C8orf34: variants seen among roughly 807,000 people sequenced by gnomAD.
C8orf34 encodes uncharacterized protein C8orf34.
Under a neutral mutation model 68.3 loss-of-function variants are expected in C8orf34, and 65 were observed. The ratio of observed to expected loss-of-function variants is 0.95; its 90% CI spans 0.78 to 1.17. The LOEUF (loss-of-function observed/expected upper bound fraction) is 1.17. C8orf34 is among the 50% of genes most tolerant of loss of function. The pLI, the probability that C8orf34 is intolerant of heterozygous loss-of-function variation, is 0.00. For missense variants in C8orf34, 664 were observed against 655.4 expected (o/e 1.01, Z -0.14); for synonymous variants, 244 against 241.2 (o/e 1.01, Z -0.11).
At chr8:68,341,540 G>C (rs1806070651) in intron 1 of C8orf34, among the ~76,000 whole-genome samples, 1 of 152,142 alleles carries the variant, frequency 6.6e-6, no homozygotes, top group South Asian at 2.1e-4. Flanking sequence ...CTCATGTTGA[G>C]ATGTAATCCC....
At chr8:68,519,727 TG>T in intron 5 of C8orf34, among the ~76,000 whole-genome samples, 1 of 152,006 alleles carries the variant, frequency 6.6e-6, no homozygotes, top group Admixed American at 6.6e-5. Flanking sequence ...GTCTTTCACC[TG>T]GGGGTGGGGG....
intron 9 of C8orf34, among the ~76,000 whole-genome samples, chr8:68,715,233 A>G (rs1821437330): frequency 6.6e-6 from 1 of 152,120 alleles, no homozygotes; most frequent in African/African-American, 2.4e-5. Flanking sequence ...ATGACCAAGA[A>G]CCCAAAAGCA....
At chr8:68,389,846 AG>A (rs1335743224) in intron 1 of C8orf34, among the ~76,000 whole-genome samples, 3 of 152,176 alleles carry the variant, frequency 2.0e-5, no homozygotes, top group Non-Finnish European at 4.4e-5. Context: ...TTTCACAGAA[AG>A]CAAAATCTAG....
intron 10 of C8orf34, among the ~76,000 whole-genome samples, chr8:68,739,297 T>A (rs891191737): frequency 5.9e-5 from 9 of 151,852 alleles, no homozygotes; most frequent in East Asian, 3.9e-4. Flanking sequence ...TACCTCAAAA[T>A]AATAAAAGCC....
intron 7 of C8orf34, among the ~76,000 whole-genome samples, chr8:68,624,141 G>GC (rs1818466439): frequency 6.6e-6 from 1 of 151,714 alleles, no homozygotes; most frequent in Admixed American, 6.6e-5. Flanking sequence ...GCGTGGTGGT[G>GC]CACGCCTGTA....
intron 8 of C8orf34, among the ~76,000 whole-genome samples, chr8:68,645,709 T>A (rs941032800): frequency 2.0e-5 from 3 of 152,174 alleles, no homozygotes; most frequent in Non-Finnish European, 4.4e-5. Context: ...TGATATAGAA[T>A]CAATAAGACT....
intron 10 of C8orf34, among the ~76,000 whole-genome samples, chr8:68,761,407 G>A (rs1394538852): frequency 6.6e-6 from 1 of 152,020 alleles, no homozygotes; most frequent in African/African-American, 2.4e-5. Flanking sequence ...TACTCCTCTA[G>A]AGCAGTGCTC....
chr8:68,460,359 G>A (rs892259354), intron 3 of C8orf34, among the ~76,000 whole-genome samples: 1 of 152,238 alleles, frequency 6.6e-6, no homozygotes, highest in Non-Finnish European at 1.5e-5. Context: ...ACCTCTGGGG[G>A]CAGGGCACAG....
chr8:68,419,712 G>A (rs1809857984), intron 1 of C8orf34, among the ~76,000 whole-genome samples: 1 of 151,412 alleles, frequency 6.6e-6, no homozygotes, highest in Non-Finnish European at 1.5e-5. Context: ...ATCATTCTCA[G>A]TAAACTATCG....
chr8:68,469,681 A>G (rs1009380104), intron 4 of C8orf34, among the ~76,000 whole-genome samples: 1 of 151,982 alleles, frequency 6.6e-6, no homozygotes, highest in Non-Finnish European at 1.5e-5. Context: ...CATTAATGCC[A>G]TGGCCTCACC....
At chr8:68,573,782 C>T (rs1586393655) in intron 7 of C8orf34, among the ~76,000 whole-genome samples, 1 of 152,062 alleles carries the variant, frequency 6.6e-6, no homozygotes, top group African/African-American at 2.4e-5. Context: ...GAGTTCATAT[C>T]TTGGATGTTG....
chr8:68,344,892 A>G (rs113670443), intron 1 of C8orf34, among the ~76,000 whole-genome samples: 1 of 152,084 alleles, frequency 6.6e-6, no homozygotes, highest in South Asian at 2.1e-4. Context: ...ATATTAACAT[A>G]CGTGTTGAAA....
intron 12 of C8orf34, among the ~76,000 whole-genome samples, chr8:68,814,635 A>G (rs1195608820): frequency 6.6e-6 from 1 of 152,204 alleles, no homozygotes; most frequent in Non-Finnish European, 1.5e-5. Flanking sequence ...GCTTAGAACC[A>G]TCCTCTGTGA....
In C8orf34 at chr8:68,331,293, G is replaced by C. The variant is rs1449058604; in HGVS notation, c.281G>C (p.Arg94Pro). ...CCCATGGCGTCTCATCCGCAAACCC[G>C]GATCCAGGCTTACCTGGAGAAGAAC... is the stretch of plus-strand genomic sequence containing the variant. ...LFPMASHPQT[R>P]IQAYLEKNKI... Residue 94 changes from arginine to proline, a missense_variant, in exon 1 of 14, where the codon CGG becomes CCG. Coordinates refer to ENST00000518698, the MANE Select transcript of C8orf34 (RefSeq NM_052958.4). The C allele has an allele frequency of 2.0e-6, 3 of 1,536,336 alleles. No individual in the cohort carries two copies. Among genetic ancestry groups the C allele is most frequent in the African/African-American group, 2.7e-5 (2 of 73,050 alleles).
At chr8:68,400,270 G>T (rs181990963) in intron 1 of C8orf34, among the ~76,000 whole-genome samples, 38 of 152,160 alleles carry the variant, frequency 2.5e-4, no homozygotes, top group African/African-American at 7.5e-4. Flanking sequence ...GTTTTCCCTA[G>T]GCTTTCTTTT....
intron 12 of C8orf34, among the ~76,000 whole-genome samples, chr8:68,804,281 A>T (rs16935089): frequency 0.039 from 5,999 of 152,280 alleles, 163 homozygotes; most frequent in African/African-American, 0.074. Context: ...AATACCCCTG[A>T]GGACAGATAG....
chr8:68,486,275 C>T (rs1431387191), intron 4 of C8orf34, among the ~76,000 whole-genome samples: 4 of 152,130 alleles, frequency 2.6e-5, no homozygotes, highest in Non-Finnish European at 5.9e-5. Context: ...TCTGAGTTCT[C>T]CATCACGGTT....
chr8:68,604,693 T>C (rs761299167), intron 7 of C8orf34, among the ~76,000 whole-genome samples: 1 of 152,064 alleles, frequency 6.6e-6, no homozygotes, highest in Admixed American at 6.6e-5. Context: ...CCTTATGCCC[T>C]TCATAACAAT....
intron 7 of C8orf34, among the ~76,000 whole-genome samples, chr8:68,549,095 G>A (rs1815981063): frequency 1.3e-5 from 2 of 151,848 alleles, no homozygotes; most frequent in Admixed American, 1.3e-4. Context: ...AAGGAGTGAG[G>A]ACACAGATAA....
Sources: allele counts gnomAD v4.1 joint callset (sites outside exome capture counted in the v4.1 genomes callset), GRCh38; gene constraint gnomAD v4.1.1; transcripts MANE v1.5; gene names NCBI Gene and HGNC (gene_info 2026-07-23, HGNC 2026-07-21).